Variants in RC3H2 observed in about 807,000 individuals in gnomAD.
RC3H2 encodes the protein roquin-2.
RC3H2 carries 31 observed loss-of-function variants against 133.3 expected under a neutral mutation model. The observed-to-expected ratio is 0.23, with a 90% CI of 0.17 to 0.31. The LOEUF is 0.31. Ranked by LOEUF, RC3H2 falls within the 10% of genes least tolerant of loss-of-function variation. The pLI is 1.00. For synonymous variants in RC3H2, 517 were observed against 502.2 expected (o/e 1.03, Z -0.40); for missense variants, 1,175 against 1,437.2 (o/e 0.82, Z 2.95).
Position 122,851,108 on chromosome 9 carries a change from T to C in RC3H2, c.3353A>G (p.Gln1118Arg), listed in dbSNP as rs749114826. ...HQKEPPKQKK[Q>R]SLGEDHVILE... is the part of the protein sequence containing the mutation. The stretch of plus-strand genomic sequence containing the variant: ...AATCACATGGTCTTCACCTAAACTC[T>C]GTTTCTTCTGCTTTGGTGGCTCCTT... Residue 1118 changes from glutamine (Q) to arginine (R), a missense_variant, in exon 20 of 21, where the codon CAG (glutamine) becomes CGG (arginine). By Grantham distance (43) the Gln-to-Arg change is conservative (BLOSUM62 1). Coordinates refer to ENST00000357244, the MANE Select transcript of RC3H2 (RefSeq NM_001100588.3). 2 of 1,614,214 alleles carry C rather than the reference T, an allele frequency of 1.2e-6. No homozygotes were observed. The highest frequency in any genetic ancestry group is 2.2e-5 in the South Asian group (2 of 91,078).
intron 9 of RC3H2, chr9:122,874,213 T>C (rs902928409): frequency 4.6e-5 from 7 of 152,296 alleles, no homozygotes; most frequent in East Asian, 1.9e-4. Context: ...CAGTGATTAA[T>C]TGAATATACC....
intron 9 of RC3H2, among the ~76,000 whole-genome samples, chr9:122,872,046 G>C (rs1831125404): frequency 6.6e-6 from 1 of 151,876 alleles, no homozygotes; most frequent in Admixed American, 6.6e-5. Context: ...TCAAAGTATT[G>C]GAATTACAGG....
chr9:122,880,442 A>G (rs1228089721), intron 6 of RC3H2, 152 bp downstream of exon 6: 1 of 725,986 alleles, frequency 1.4e-6, no homozygotes. Flanking sequence ...TTGCAAGTAG[A>G]AAAATAAAAA....
At chr9:122,883,112 C>T in intron 5 of RC3H2, 92 bp downstream of exon 5, 1 of 1,171,390 alleles carries the variant, frequency 8.5e-7, no homozygotes, top group South Asian at 1.4e-5. Context: ...AAGCATTCTG[C>T]ATTGCTAGGG....
chr9:122,879,919 T>C (rs748400110), intron 7 of RC3H2, 46 bp from the exon 8 acceptor site: 3 of 1,610,778 alleles, frequency 1.9e-6, no homozygotes, highest in East Asian at 4.5e-5. Context: ...GGAAGAATGT[T>C]AGCAGTAATT....
At chr9:122,893,511 A>C (rs1832278740) in intron 2 of RC3H2, among the ~76,000 whole-genome samples, 1 of 152,162 alleles carries the variant, frequency 6.6e-6, no homozygotes. Context: ...CAACAATAAC[A>C]GCAACAGCAA....
At chr9:122,869,497 A>G (rs577552086) in intron 9 of RC3H2, among the ~76,000 whole-genome samples, 9 of 151,898 alleles carry the variant, frequency 5.9e-5, no homozygotes, top group African/African-American at 2.2e-4. Context: ...GTGCTCCTAG[A>G]TTAGACTGGC....
intron 3 of RC3H2, 64 bp downstream of exon 3, chr9:122,892,845 G>C: frequency 7.8e-7 from 1 of 1,276,688 alleles, no homozygotes; most frequent in Non-Finnish European, 1.1e-6. Flanking sequence ...TCCACATCAA[G>C]TCATTCAAAG....
At chr9:122,882,684 C>T (rs112527317) in intron 5 of RC3H2, among the ~76,000 whole-genome samples, 141 of 152,308 alleles carry the variant, frequency 9.3e-4, no homozygotes, top group African/African-American at 3.2e-3. Flanking sequence ...TTCTTCTCTA[C>T]CCTTTCCACT....
At chr9:122,867,298 G>T (rs753543930) in intron 9 of RC3H2, among the ~76,000 whole-genome samples, 2 of 93,878 alleles carry the variant, frequency 2.1e-5, no homozygotes, top group Non-Finnish European at 4.5e-5. Context: ...TCAGCCCCCC[G>T]CCCGGCCAGC....
intron 3 of RC3H2, among the ~76,000 whole-genome samples, chr9:122,892,339 C>A (rs923671967): frequency 1.3e-5 from 2 of 152,180 alleles, no homozygotes; most frequent in African/African-American, 4.8e-5. Flanking sequence ...TCTCAAACTC[C>A]TGGGCTCAAG....
chr9:122,890,047 CAGG>C (rs749811932), intron 4 of RC3H2: 3 of 587,540 alleles, frequency 5.1e-6, no homozygotes, highest in Admixed American at 3.0e-5. Context: ...GGGGCTGAGT[CAGG>C]AGAATTGCTT....
intron 2 of RC3H2, among the ~76,000 whole-genome samples, chr9:122,893,612 T>C (rs961735253): frequency 2.0e-5 from 3 of 152,218 alleles, no homozygotes; most frequent in African/African-American, 7.2e-5. Flanking sequence ...TGCTAATTTC[T>C]TGGTGTTGGA....
intron 13 of RC3H2, among the ~76,000 whole-genome samples, chr9:122,856,338 G>C (rs1830246412): frequency 1.3e-5 from 2 of 152,268 alleles, no homozygotes; most frequent in Non-Finnish European, 2.9e-5. Context: ...TAGCAGCCTC[G>C]ACTTCCCAGG....
chr9:122,851,713 G>T, intron 18 of RC3H2: 1 of 379,346 alleles, frequency 2.6e-6, no homozygotes, highest in Non-Finnish European at 4.9e-6. Context: ...TGGCCGGGCT[G>T]GTCTCCAGCT....
At chr9:122,859,453 A>C (rs1328186403) in intron 11 of RC3H2, among the ~76,000 whole-genome samples, 2 of 152,078 alleles carry the variant, frequency 1.3e-5, no homozygotes, top group Non-Finnish European at 2.9e-5. Context: ...ACTTTGCTAA[A>C]GTGCTCCTTA....
At position 122,879,849 on chromosome 9, in the gene RC3H2, T is replaced by C; in HGVS notation, c.1118A>G (p.Gln373Arg). ...AACAGCTACCATTGCATTTTCCAGC[T>C]GCTCCCAAGTTGGTGAAACAGCGTC... ...NPDAVSPTWE[Q>R]LENAMVAVKT... The change falls in exon 8 of 21, where the codon CAG becomes CGG. Residue 373 changes from glutamine to arginine, a missense_variant. Physicochemically the swap from Gln to Arg is conservative, Grantham distance 43. Transcript: ENST00000357244. The C allele has an allele frequency of 1.2e-6, 2 of 1,614,188 alleles. No individual in the cohort carries two copies. The highest frequency in any genetic ancestry group is 1.7e-6 in the Non-Finnish European group (2 of 1,180,032).
intron 1 of RC3H2, among the ~76,000 whole-genome samples, chr9:122,898,955 T>C (rs560457883): frequency 2.0e-5 from 3 of 152,088 alleles, no homozygotes; most frequent in South Asian, 4.1e-4. Context: ...ACAGGAATGT[T>C]TACCAACCCA....
At chr9:122,854,140 G>C in intron 17 of RC3H2, 45 bp downstream of exon 17, 1 of 1,611,122 alleles carries the variant, frequency 6.2e-7, no homozygotes, top group Non-Finnish European at 8.5e-7. Context: ...GCTTTCAACT[G>C]TCATTCTATT....
Sources: allele counts gnomAD v4.1 joint callset (sites outside exome capture counted in the v4.1 genomes callset), GRCh38; gene constraint gnomAD v4.1.1; transcripts MANE v1.5; gene names NCBI Gene and HGNC (gene_info 2026-07-23, HGNC 2026-07-21).